UBE3D: variants seen among roughly 807,000 people sequenced by gnomAD.
UBE3D encodes the protein ubiquitin protein ligase E3D, also known as E3 ubiquitin-protein ligase E3D.
A neutral mutation model predicts 49.6 loss-of-function variants in UBE3D; 48 were observed. The ratio of observed to expected loss-of-function variants is 0.97; its 90% confidence interval spans 0.77 to 1.23. The LOEUF (loss-of-function observed/expected upper bound fraction) is 1.23, where lower values mean the gene tolerates loss of function less well. UBE3D is among the 50% of genes most tolerant of loss of function. The pLI, the probability that UBE3D is intolerant of heterozygous loss-of-function variation, is 0.00. For synonymous variants in UBE3D, 189 were observed against 174.2 expected, an observed-to-expected ratio of 1.08 and a Z score of -0.67; for missense variants, 452 against 468.4, an observed-to-expected ratio of 0.96 and a Z score of 0.32.
At position 83,019,031 on chromosome 6, in the gene UBE3D, A is replaced by C. The variant is rs775798041; in HGVS notation, c.952T>G (p.Ser318Ala). Residue 318 changes from serine (S) to alanine (A), a missense_variant, in exon 8 of 10, where the codon TCT (serine) becomes GCT (alanine). By Grantham distance (99) the Ser-to-Ala change is moderately conservative. Coordinates refer to ENST00000369747, the MANE Select transcript of UBE3D (RefSeq NM_198920.3). ...AGGACCTTGACAGCACTCCAGGCAGAACTAGAATCGGCTTTGAATGTGTTT... is the reference window on the plus strand; with the variant it reads ...AGGACCTTGACAGCACTCCAGGCAGCACTAGAATCGGCTTTGAATGTGTTT... The part of the protein sequence containing the change: ...LENTFKADSS[S>A]AWSAVKVLYQ... The C allele has an allele frequency of 1.1e-5, 18 of 1,613,840 alleles. No individual in the cohort carries two copies. Among genetic ancestry groups the C allele is most frequent in the Non-Finnish European group, 1.5e-5 (18 of 1,179,914 alleles).
intron 8 of UBE3D, chr6:83,018,492 T>C (rs902206883): frequency 2.6e-5 from 4 of 156,756 alleles, no homozygotes; most frequent in African/African-American, 7.2e-5. Context: ...TAATGGTACA[T>C]ACCACACAGG....
rs1448384556 is a variant in UBE3D at position 83,019,245 on chromosome 6, T to C, written c.847-109A>G. ...CTATGAAAATACCAGAAAAAATAAA[T>C]ATGAGAATCATGTACATAATTTTAA... On this transcript the variant is annotated intron_variant, in intron 7 of 9. Transcript: ENST00000369747. The C allele has an allele frequency of 1.8e-5, 18 of 1,026,798 alleles. 1 individual carries two copies. The East Asian group carries it at 5.2e-4, about 30-fold the overall frequency. The allele number at this position is 1,026,798 out of a possible 1,614,324, so 63.6% of individuals were successfully genotyped here.
At chr6:82,944,737 C>T (rs1381034176) in intron 9 of UBE3D, among the ~76,000 whole-genome samples, 3 of 152,190 alleles carry the variant, frequency 2.0e-5, no homozygotes, top group African/African-American at 7.2e-5. Context: ...GCCCACTGCC[C>T]TGAAGGGTGA....
chr6:83,018,804 C>A, intron 8 of UBE3D, 169 bp downstream of exon 8: 1 of 716,216 alleles, frequency 1.4e-6, no homozygotes, highest in Non-Finnish European at 2.2e-6. Flanking sequence ...CATGAATCAT[C>A]TGTAATAATT....
chr6:82,980,358 T>C (rs1351419961), intron 8 of UBE3D, among the ~76,000 whole-genome samples: 2 of 152,232 alleles, frequency 1.3e-5, no homozygotes, highest in African/African-American at 2.4e-5. Flanking sequence ...TATTTTCTCA[T>C]GCTTGTTGAA....
intron 3 of UBE3D, chr6:83,049,562 T>C (rs750344712): frequency 4.4e-5 from 12 of 273,544 alleles, no homozygotes; most frequent in Non-Finnish European, 7.6e-5. Context: ...TATTTTCAGG[T>C]TACAATTGTA....
intron 9 of UBE3D, among the ~76,000 whole-genome samples, chr6:82,915,012 C>CT (rs1261178784): frequency 1.3e-5 from 2 of 152,126 alleles, no homozygotes; most frequent in Non-Finnish European, 2.9e-5. Flanking sequence ...GATTGCCCAC[C>CT]TTTTTCTCTT....
At chr6:83,049,057 T>C (rs1783278902) in intron 3 of UBE3D, among the ~76,000 whole-genome samples, 1 of 152,186 alleles carries the variant, frequency 6.6e-6, no homozygotes, top group African/African-American at 2.4e-5. Flanking sequence ...CATAAACTTT[T>C]AGAAAACTTA....
At position 82,902,496 on chromosome 6, in the gene UBE3D, T is replaced by C. The variant is rs575092616; in HGVS notation, c.1150-9454A>G. Among the ~76,000 whole-genome samples, 5 of 152,288 alleles carry C rather than the reference T, an allele frequency of 3.3e-5. No homozygotes were observed. The East Asian group carries it at 9.7e-4, about 29-fold the overall frequency. On this transcript the variant is annotated intron_variant, in intron 9 of 9. Coordinates refer to ENST00000369747, the MANE Select transcript of UBE3D (RefSeq NM_198920.3). ...ACTCGGAAGAATCTCTAGGGAATTA[T>C]GCTGAGTCAAAAAAATCTCAAAAGG...
At chr6:83,009,208 A>G (rs1780183719) in intron 8 of UBE3D, among the ~76,000 whole-genome samples, 1 of 152,208 alleles carries the variant, frequency 6.6e-6, no homozygotes, top group Admixed American at 6.5e-5. Context: ...CAAAAGACAA[A>G]CTGGTACATC....
chr6:82,915,674 G>T (rs1772866195), intron 9 of UBE3D, among the ~76,000 whole-genome samples: 1 of 152,162 alleles, frequency 6.6e-6, no homozygotes, highest in African/African-American at 2.4e-5. Context: ...AATTTTTAAA[G>T]ATATTCTATC....
intron 9 of UBE3D, among the ~76,000 whole-genome samples, chr6:82,901,736 A>T (rs934983764): frequency 1.3e-5 from 2 of 152,234 alleles, no homozygotes; most frequent in South Asian, 4.1e-4. Flanking sequence ...CTTTTCAAAA[A>T]ACATCTGTTT....
chr6:82,969,816 G>C (rs12203153), intron 8 of UBE3D, among the ~76,000 whole-genome samples: 15,306 of 151,874 alleles, frequency 0.1, 882 homozygotes, highest in Non-Finnish European at 0.13. Flanking sequence ...GTTTTCATCA[G>C]AACTGGATAA....
chr6:83,057,990 A>C lies in UBE3D; in HGVS notation c.110T>G (p.Ile37Ser). The change falls in exon 2 of 10, where the codon ATT (isoleucine) becomes AGT (serine). Residue 37 changes from isoleucine to serine, a missense_variant. Physicochemically the swap from Ile to Ser is moderately radical, Grantham distance 142. Transcript: ENST00000369747. ...CTGGAGTGAAGATGGCATTATGGAA[A>C]TATTCATGGGCATACCTCCTTCTTT... ...EPKEGGMPMN[I>S]SIMPSSLQMK... 1 of 1,614,184 alleles carries C rather than the reference A, an allele frequency of 6.2e-7. No homozygotes were observed. Among genetic ancestry groups the C allele is most frequent in the Non-Finnish European group, 8.5e-7 (1 of 1,180,026 alleles).
intron 2 of UBE3D, among the ~76,000 whole-genome samples, chr6:83,057,277 G>T (rs998016663): frequency 4.6e-5 from 7 of 152,030 alleles, no homozygotes; most frequent in Non-Finnish European, 8.8e-5. Context: ...CCATTATTCT[G>T]TTTTATATTA....
intron 8 of UBE3D, among the ~76,000 whole-genome samples, chr6:82,960,632 G>GAAACA (rs1375824911): frequency 6.6e-6 from 1 of 151,414 alleles, no homozygotes; most frequent in Non-Finnish European, 1.5e-5. Flanking sequence ...TCTTATAAAG[G>GAAACA]AAACAAATGC....
chr6:82,906,534 C>T (rs73475791), intron 9 of UBE3D, among the ~76,000 whole-genome samples: 5,716 of 152,224 alleles, frequency 0.038, 348 homozygotes, highest in African/African-American at 0.13. Context: ...TATGGTAAGA[C>T]AGAACTCAGT....
chr6:82,899,086 A>G (rs958347202), intron 9 of UBE3D, among the ~76,000 whole-genome samples: 19 of 152,124 alleles, frequency 1.2e-4, no homozygotes, highest in African/African-American at 4.1e-4. Flanking sequence ...TATGAAAGCA[A>G]GAGAGCCTCC....
chr6:82,980,269 A>G (rs1189812585), intron 8 of UBE3D, among the ~76,000 whole-genome samples: 1 of 152,056 alleles, frequency 6.6e-6, no homozygotes, highest in Non-Finnish European at 1.5e-5. Context: ...TTGACGTTTT[A>G]ATAGTCATTC....
Sources: allele counts gnomAD v4.1 joint callset (sites outside exome capture counted in the v4.1 genomes callset), GRCh38; gene constraint gnomAD v4.1.1; transcripts MANE v1.5; gene names NCBI Gene and HGNC (gene_info 2026-07-23, HGNC 2026-07-21).